The following COL28A1 variants were observed in gnomAD, a reference collection of about 807,000 sequenced individuals.
COL28A1 encodes the protein collagen alpha-1(XXVIII) chain.
COL28A1 carries 161 observed loss-of-function variants against 150.2 expected under a neutral mutation model. The ratio of observed to expected loss-of-function variants is 1.07; its 90% CI spans 0.94 to 1.22. The LOEUF (loss-of-function observed/expected upper bound fraction) is 1.22. Among genes scored for constraint, COL28A1 ranks in the 50% most tolerant of loss-of-function variants. The pLI is 0.00. For synonymous variants in COL28A1, 552 were observed against 469.7 expected (o/e 1.18, Z -2.26); for missense variants, 1,617 against 1,388.3 (o/e 1.16, Z -2.62).
chr7:7,457,253 T>C (rs1787242761), intron 15 of COL28A1, among the ~76,000 whole-genome samples: 2 of 152,082 alleles, frequency 1.3e-5, no homozygotes, highest in Admixed American at 6.6e-5. Context: ...GGAAGCTGTA[T>C]GGAGAACAGA....
chr7:7,401,312 C>T (rs1213080590), intron 27 of COL28A1, among the ~76,000 whole-genome samples: 1 of 152,078 alleles, frequency 6.6e-6, no homozygotes, highest in Non-Finnish European at 1.5e-5. Context: ...CACACGTCCT[C>T]ATCCAGTCTC....
At chr7:7,446,078 G>C (rs931484689) in intron 18 of COL28A1, among the ~76,000 whole-genome samples, 1 of 151,954 alleles carries the variant, frequency 6.6e-6, no homozygotes, top group Admixed American at 6.6e-5. Flanking sequence ...GGCTGTTCTT[G>C]ACCTCCTGAC....
chr7:7,412,734 A>C (rs1363547262), intron 27 of COL28A1, among the ~76,000 whole-genome samples: 1 of 152,072 alleles, frequency 6.6e-6, no homozygotes, highest in African/African-American at 2.4e-5. Context: ...CATGATTCAA[A>C]TCTGTTGACT....
intron 9 of COL28A1, among the ~76,000 whole-genome samples, chr7:7,508,541 C>G (rs1780950159): frequency 6.6e-6 from 1 of 152,220 alleles, no homozygotes; most frequent in African/African-American, 2.4e-5. Flanking sequence ...GTTTGTTAAT[C>G]ATTTCCACTA....
chr7:7,459,764 G>C (rs1225006615), intron 15 of COL28A1, among the ~76,000 whole-genome samples: 1 of 152,188 alleles, frequency 6.6e-6, no homozygotes, highest in East Asian at 1.9e-4. Context: ...GAGCTGACCT[G>C]ACCCTGGCAA....
intron 18 of COL28A1, among the ~76,000 whole-genome samples, chr7:7,448,936 G>A (rs1185625152): frequency 6.6e-6 from 1 of 152,042 alleles, no homozygotes; most frequent in Admixed American, 6.5e-5. Flanking sequence ...CAGATAATTG[G>A]AAAGCAGATC....
At chr7:7,425,320 T>C (rs1460026223) in intron 25 of COL28A1, among the ~76,000 whole-genome samples, 2 of 152,196 alleles carry the variant, frequency 1.3e-5, no homozygotes, top group South Asian at 2.1e-4. Context: ...AACTTTTCCA[T>C]AGACTTTCTT....
At chr7:7,453,613 A>G (rs17459676) in intron 16 of COL28A1, 105 bp from the exon 17 acceptor site, 37,138 of 683,932 alleles carry the variant, frequency 0.054, 1,276 homozygotes, top group South Asian at 0.091. Context: ...CTTACACTCA[A>G]TAAGCATTTG....
At chr7:7,465,071 A>T (rs984955563) in intron 15 of COL28A1, among the ~76,000 whole-genome samples, 1 of 152,168 alleles carries the variant, frequency 6.6e-6, no homozygotes, top group African/African-American at 2.4e-5. Context: ...GGAGATGAAT[A>T]AATTCTTGAA....
chr7:7,360,256 T>G (rs970505851), intron 34 of COL28A1, 134 bp downstream of exon 34: 10 of 798,052 alleles, frequency 1.3e-5, no homozygotes, highest in African/African-American at 5.4e-5. Flanking sequence ...TAACATTTTC[T>G]CTCTGGGTAA....
At chr7:7,471,125 T>TAAAAAAAAA (rs746981344) in intron 15 of COL28A1, among the ~76,000 whole-genome samples, 139 of 88,390 alleles carry the variant, frequency 1.6e-3, no homozygotes, top group East Asian at 2.4e-3. Context: ...AAAAAATAAT[T>TAAAAAAAAA]AAAAAAAAAA....
intron 8 of COL28A1, chr7:7,511,672 CA>C: frequency 2.2e-6 from 1 of 461,176 alleles, no homozygotes; most frequent in South Asian, 1.6e-5. Flanking sequence ...TAGTAGTGTT[CA>C]CCTGGAGAAC....
chr7:7,471,140 A>AAAG (rs1355390127), intron 15 of COL28A1, among the ~76,000 whole-genome samples: 1 of 148,144 alleles, frequency 6.8e-6, no homozygotes, highest in East Asian at 2.0e-4. Context: ...AAAAAAAAAA[A>AAAG]AAAAGAAAAG....
chr7:7,359,539 T>G (rs773665369), intron 34 of COL28A1, among the ~76,000 whole-genome samples: 21 of 152,102 alleles, frequency 1.4e-4, no homozygotes, highest in Non-Finnish European at 2.9e-4. Flanking sequence ...TACTCTGGAG[T>G]GCCTTGATTA....
intron 25 of COL28A1, among the ~76,000 whole-genome samples, chr7:7,427,275 GTCTAAACTTTGTATGGC>G (rs1349512170): frequency 6.6e-6 from 1 of 152,140 alleles, no homozygotes; most frequent in Non-Finnish European, 1.5e-5. Flanking sequence ...ACTGCCTAGG[GTCTAAACTTTGTATGGC>G]TCTGGCTTTA....
At chr7:7,458,426 AC>A (rs1387062605) in intron 15 of COL28A1, among the ~76,000 whole-genome samples, 1 of 152,084 alleles carries the variant, frequency 6.6e-6, no homozygotes, top group Non-Finnish European at 1.5e-5. Flanking sequence ...TCAAAAAAAA[AC>A]AAAACAAAAA....
chr7:7,456,007 T>C (rs1787135765), intron 16 of COL28A1, 37 bp downstream of exon 16: 22 of 1,612,768 alleles, frequency 1.4e-5, no homozygotes, highest in East Asian at 2.2e-5. Context: ...GGCTGGAATG[T>C]TCTGCACTGA....
At chr7:7,361,083 A>T (rs895667836) in intron 33 of COL28A1, among the ~76,000 whole-genome samples, 6 of 140,496 alleles carry the variant, frequency 4.3e-5, no homozygotes, top group African/African-American at 1.6e-4. Context: ...TTGATTGCTT[A>T]CCCAAATCTC....
Position 7,515,134 on chromosome 7 carries a change from T to G in COL28A1, c.882+680A>C, listed in dbSNP as rs114978878. Among the ~76,000 whole-genome samples the G allele has an allele frequency of 1.6e-3, 240 of 152,332 alleles. 3 individuals carry two copies. Among genetic ancestry groups the G allele is most frequent in the African/African-American group, 5.4e-3 (226 of 41,572 alleles). ...TGGAATGGATGATAGGTGCATGTTCTGATTCAGATAGAAAATCTGATAATA... is the reference window on the plus strand; with the variant it reads ...TGGAATGGATGATAGGTGCATGTTCGGATTCAGATAGAAAATCTGATAATA... On this transcript the variant is annotated intron_variant, in intron 8 of 34. Transcript: ENST00000399429.
Sources: gnomAD v4.1 joint callset for allele counts (sites outside exome capture counted in the v4.1 genomes callset) on GRCh38, gnomAD v4.1.1 for gene constraint, MANE v1.5 for transcripts, NCBI Gene and HGNC (gene_info 2026-07-23, HGNC 2026-07-21) for gene names.